Variants in CRYBG1 observed in about 807,000 individuals in gnomAD.
CRYBG1 encodes beta/gamma crystallin domain-containing protein 1.
A neutral mutation model predicts 189.2 loss-of-function variants in CRYBG1; 139 were observed. That is an observed-to-expected ratio of 0.73 (90% confidence interval 0.64 to 0.85). The LOEUF is 0.85. CRYBG1 is among the 40% of genes least tolerant of loss of function. The pLI, the probability that CRYBG1 is intolerant of heterozygous loss-of-function variation, is 0.00. For synonymous variants in CRYBG1, 1,023 were observed against 1,017.1 expected (o/e 1.01, Z -0.11); for missense variants, 2,611 against 2,675.8 (o/e 0.98, Z 0.53).
intron 1 of CRYBG1, among the ~76,000 whole-genome samples, chr6:106,381,752 G>A (rs928418662): frequency 6.6e-6 from 1 of 152,202 alleles, no homozygotes; most frequent in Non-Finnish European, 1.5e-5. Flanking sequence ...GTTAAGGGCC[G>A]ATCCTGCAGG....
intron 2 of CRYBG1, among the ~76,000 whole-genome samples, chr6:106,469,073 A>G (rs986740087): frequency 2.0e-5 from 3 of 151,964 alleles, no homozygotes; most frequent in Admixed American, 6.5e-5. Flanking sequence ...CCCCTGCCCA[A>G]CTCACTGGCC....
chr6:106,491,811 A>C (rs868217035), intron 2 of CRYBG1, among the ~76,000 whole-genome samples: 3 of 152,134 alleles, frequency 2.0e-5, no homozygotes, highest in African/African-American at 7.2e-5. Context: ...AGAAACCTTA[A>C]AAGTTTTCAT....
chr6:106,380,332 C>G (rs969211609), intron 1 of CRYBG1, among the ~76,000 whole-genome samples: 1 of 152,078 alleles, frequency 6.6e-6, no homozygotes, highest in African/African-American at 2.4e-5. Context: ...TTTGAATTCC[C>G]AAGAGATTCT....
intron 20 of CRYBG1, among the ~76,000 whole-genome samples, chr6:106,561,714 A>C (rs1774725401): frequency 6.6e-6 from 1 of 152,224 alleles, no homozygotes; most frequent in African/African-American, 2.4e-5. Flanking sequence ...CACTGATCCA[A>C]GATAGAATAT....
intron 1 of CRYBG1, among the ~76,000 whole-genome samples, chr6:106,365,116 TA>T (rs1221489790): frequency 1.3e-5 from 2 of 152,144 alleles, no homozygotes; most frequent in African/African-American, 2.4e-5. Flanking sequence ...TTTTAAATAT[TA>T]AAAATAGTAA....
intron 2 of CRYBG1, among the ~76,000 whole-genome samples, chr6:106,505,255 C>T (rs910879370): frequency 3.3e-5 from 5 of 152,100 alleles, no homozygotes; most frequent in African/African-American, 7.2e-5. Context: ...CCACCACACC[C>T]GGCTAATTTT....
At chr6:106,451,138 G>A (rs760366073) in intron 1 of CRYBG1, among the ~76,000 whole-genome samples, 1 of 152,184 alleles carries the variant, frequency 6.6e-6, no homozygotes, top group African/African-American at 2.4e-5. Context: ...AAAGGGAATG[G>A]CTTTGGGGTA....
chr6:106,365,680 ATT>A, intron 1 of CRYBG1, among the ~76,000 whole-genome samples: 1 of 132,462 alleles, frequency 7.5e-6, no homozygotes, highest in African/African-American at 2.6e-5. Flanking sequence ...AAGAACCTGT[ATT>A]TTTTTTTAAA....
intron 2 of CRYBG1, among the ~76,000 whole-genome samples, chr6:106,491,223 G>C (rs955171461): frequency 1.3e-5 from 2 of 152,224 alleles, no homozygotes; most frequent in African/African-American, 4.8e-5. Flanking sequence ...TGAGCCACCT[G>C]TGTGGAGGCT....
intron 4 of CRYBG1, among the ~76,000 whole-genome samples, chr6:106,522,051 G>A (rs537683109): frequency 2.0e-5 from 3 of 152,234 alleles, no homozygotes; most frequent in East Asian, 1.9e-4. Flanking sequence ...ATCTTTTAAG[G>A]CACATGTGAA....
intron 1 of CRYBG1, among the ~76,000 whole-genome samples, chr6:106,365,939 T>C (rs914083871): frequency 6.6e-6 from 1 of 152,174 alleles, no homozygotes; most frequent in Non-Finnish European, 1.5e-5. Flanking sequence ...TTCAGAACTA[T>C]AGACAATCCC....
Position 106,451,762 on chromosome 6 carries a change from A to T in CRYBG1, c.242A>T (p.Glu81Val). 6.5e-7 allele frequency: 1 copy of T among 1,534,944 alleles called. No homozygotes were observed. The highest frequency in any genetic ancestry group is 8.7e-7 in the Non-Finnish European group (1 of 1,146,450). ...CAGGAATTTCCACTGCACTGTGGGG[A>T]ATCCCAGTTCTTCCACACCACCAGT... ...DSQEFPLHCGESQFFHTTSEA... is the reference protein window; with the variant it reads ...DSQEFPLHCGVSQFFHTTSEA... Residue 81 changes from glutamate to valine, a missense_variant, in exon 2 of 22, where the codon GAA (glutamate) becomes GTA (valine). Glu to Val is a moderately radical substitution (Grantham distance 121). Coordinates refer to ENST00000633556, the MANE Select transcript of CRYBG1 (RefSeq NM_001371242.2).
At chr6:106,435,233 A>C (rs1483205057) in intron 1 of CRYBG1, among the ~76,000 whole-genome samples, 1 of 152,036 alleles carries the variant, frequency 6.6e-6, no homozygotes, top group East Asian at 1.9e-4. Context: ...TGGTGTGATC[A>C]TAGCTTACTA....
chr6:106,530,354 T>G, intron 8 of CRYBG1, 39 bp downstream of exon 8: 2 of 1,586,478 alleles, frequency 1.3e-6, no homozygotes, highest in Non-Finnish European at 1.7e-6. Flanking sequence ...AATGAAGTTT[T>G]TTTGTGAGTG....
At chr6:106,500,411 TG>T (rs1322767171) in intron 2 of CRYBG1, among the ~76,000 whole-genome samples, 1 of 140,354 alleles carries the variant, frequency 7.1e-6, no homozygotes, top group Non-Finnish European at 1.5e-5. Context: ...TGAACAGTGA[TG>T]TTGAGCACTA....
intron 1 of CRYBG1, among the ~76,000 whole-genome samples, chr6:106,363,924 A>G (rs554071): frequency 0.66 from 99,918 of 150,884 alleles, 33,227 homozygotes; most frequent in African/African-American, 0.73. Context: ...CATCCTGGTC[A>G]TCATCATCAT....
chr6:106,442,915 C>A (rs1771591667), intron 1 of CRYBG1, among the ~76,000 whole-genome samples: 1 of 152,148 alleles, frequency 6.6e-6, no homozygotes, highest in African/African-American at 2.4e-5. Flanking sequence ...CACTTGAATA[C>A]CAGACAATGA....
chr6:106,531,598 C>CCAA (rs987537845), intron 8 of CRYBG1, among the ~76,000 whole-genome samples: 1 of 152,148 alleles, frequency 6.6e-6, no homozygotes, highest in Non-Finnish European at 1.5e-5. Flanking sequence ...TTATCCAGAG[C>CCAA]TTTGTAGGGA....
In CRYBG1 at chr6:106,563,832, C is replaced by T. The variant is rs751652087; in HGVS notation, c.6207C>T (p.Ala2069=). 6.2e-6 allele frequency: 10 copies of T among 1,613,782 alleles called. No individual in the cohort carries two copies. The South Asian group carries it at 1.1e-4, about 18-fold the overall frequency. ...CATCTGGCTCCAAGCTAGGCCTGGC[C>T]CTGGACCAGAATGCTGACAGCCAGT... The part of the protein sequence containing the change: ...LVTSGSKLGL[A]LDQNADSQFW... Residue 2069 remains alanine (A), a synonymous_variant, in exon 21 of 22, where the codon GCC becomes GCT. Coordinates refer to ENST00000633556, the MANE Select transcript of CRYBG1 (RefSeq NM_001371242.2).
Sources: allele counts gnomAD v4.1 joint callset (sites outside exome capture counted in the v4.1 genomes callset), GRCh38; gene constraint gnomAD v4.1.1; transcripts MANE v1.5; gene names NCBI Gene and HGNC (gene_info 2026-07-23, HGNC 2026-07-21).